Variants in ARHGAP28 observed in about 807,000 individuals in gnomAD.
The protein encoded by ARHGAP28 is rho GTPase-activating protein 28.
A neutral mutation model predicts 90.7 loss-of-function variants in ARHGAP28; 56 were observed. The ratio of observed to expected loss-of-function variants is 0.62; its 90% CI spans 0.50 to 0.77. ARHGAP28 has a LOEUF of 0.77. ARHGAP28 is among the 30% of genes least tolerant of loss of function. The pLI is 0.00. For synonymous variants in ARHGAP28, 308 were observed against 323.3 expected (o/e 0.95, Z 0.51); for missense variants, 869 against 900.9 (o/e 0.96, Z 0.45).
intron 3 of ARHGAP28, among the ~76,000 whole-genome samples, chr18:6,841,197 CTCTCTCCTCTCCTCTCTCTCT>C (rs2056819460): frequency 1.5e-5 from 1 of 65,616 alleles, no homozygotes; most frequent in Non-Finnish European, 2.9e-5. Flanking sequence ...CTCTCTCTCT[CTCTCTCCTCTCCTCTCTCTCT>C]CTCTCCCCCC....
rs573566679 is a variant in ARHGAP28, at chr18:6,867,166, G to T, written c.727-984G>T. ...ATACACCATTTACACAATTATAATT[G>T]TATCAACTGTTTTGAAATAAAATAG... On this transcript the variant is annotated intron_variant, in intron 5 of 17. Coordinates refer to ENST00000383472, the MANE Select transcript of ARHGAP28 (RefSeq NM_001366230.1). Among the ~76,000 whole-genome samples the T allele has an allele frequency of 2.0e-5, 3 of 152,172 alleles. No homozygotes were observed. In the East Asian group the frequency reaches 5.8e-4, roughly 29 times the overall value.
At chr18:6,799,406 C>T (rs1265500714) in intron 1 of ARHGAP28, among the ~76,000 whole-genome samples, 1 of 151,890 alleles carries the variant, frequency 6.6e-6, no homozygotes, top group Non-Finnish European at 1.5e-5. Context: ...CATATGAAAC[C>T]AAAAAAGAGC....
chr18:6,902,781 A>G (rs2143825461), intron 16 of ARHGAP28, among the ~76,000 whole-genome samples: 1 of 152,362 alleles, frequency 6.6e-6, no homozygotes. Flanking sequence ...CATTACAAAT[A>G]GAGTTACCAT....
chr18:6,862,072 T>A (rs959108925), intron 5 of ARHGAP28, among the ~76,000 whole-genome samples: 2 of 152,228 alleles, frequency 1.3e-5, no homozygotes, highest in African/African-American at 2.4e-5. Flanking sequence ...TTACCTTGGA[T>A]TGTTTGTTAC....
chr18:6,832,435 A>AT (rs1264894971), intron 2 of ARHGAP28, among the ~76,000 whole-genome samples: 1 of 152,062 alleles, frequency 6.6e-6, no homozygotes, highest in African/African-American at 2.4e-5. Flanking sequence ...GGTAACTTTA[A>AT]TCACATTTAT....
At chr18:6,754,853 GA>G (rs1359615781) in intron 1 of ARHGAP28, 1 of 152,186 alleles carries the variant, frequency 6.6e-6, no homozygotes, top group Non-Finnish European at 1.5e-5. Context: ...GGGACTAAAA[GA>G]AAGTAAATTG....
At chr18:6,835,809 T>C (rs771953282) in intron 2 of ARHGAP28, among the ~76,000 whole-genome samples, 1 of 152,218 alleles carries the variant, frequency 6.6e-6, no homozygotes, top group Non-Finnish European at 1.5e-5. Flanking sequence ...GAACATCAAT[T>C]GAATACCGAC....
Position 6,882,312 on chromosome 18 carries a change from C to T in ARHGAP28, c.1453+13C>T, listed in dbSNP as rs777346240. 1.6e-5 allele frequency: 25 copies of T among 1,604,934 alleles called. No individual in the cohort carries two copies. The Middle Eastern group carries it at 5.0e-4, about 32-fold the overall frequency. On this transcript the variant is annotated intron_variant, in intron 11 of 17. Transcript: ENST00000383472. Reference sequence around the variant, plus strand: ...AGTCTAATGGAAAGTAGGTGGAAGACGTTATATGTGAATACGCTAAGATAT... The same window carrying T: ...AGTCTAATGGAAAGTAGGTGGAAGATGTTATATGTGAATACGCTAAGATAT...
chr18:6,856,935 A>T lies in ARHGAP28; in HGVS notation c.637-2873A>T, dbSNP rs188562260. On this transcript the variant is annotated intron_variant, in intron 4 of 17. Coordinates refer to ENST00000383472, the MANE Select transcript of ARHGAP28 (RefSeq NM_001366230.1). ...CATCCATTTGTTGTATGTTTTAAAA[A>T]TTTAGTCCATTACTAAATAATATTG... Among the ~76,000 whole-genome samples, 84 of 152,352 alleles carry T rather than the reference A, an allele frequency of 5.5e-4. 1 individual carries two copies. The highest frequency in any genetic ancestry group is 1.9e-3 in the Admixed American group (29 of 15,310).
At position 6,882,446 on chromosome 18, in the gene ARHGAP28, A is replaced by G; in HGVS notation, c.1453+147A>G. 4 of 693,950 alleles carry G rather than the reference A, an allele frequency of 5.8e-6. 1 individual carries two copies. The South Asian group carries it at 1.1e-4, about 19-fold the overall frequency. 43.0% of individuals were successfully genotyped at this position (693,950 alleles called of 1,614,324 possible). ...TGGAATATTAAGTTTGATGGCAAACAGTCACCTACTTACATACTTATATAC... is the reference window on the plus strand; with the variant it reads ...TGGAATATTAAGTTTGATGGCAAACGGTCACCTACTTACATACTTATATAC... On this transcript the variant is annotated intron_variant, in intron 11 of 17. Transcript: ENST00000383472.
intron 1 of ARHGAP28, among the ~76,000 whole-genome samples, chr18:6,778,183 C>A (rs2056299438): frequency 6.6e-6 from 1 of 152,138 alleles, no homozygotes; most frequent in Non-Finnish European, 1.5e-5. Context: ...GCTGTATCAA[C>A]CTTTCTCTAG....
intron 1 of ARHGAP28, among the ~76,000 whole-genome samples, chr18:6,781,459 C>T (rs1442673710): frequency 6.6e-6 from 1 of 152,204 alleles, no homozygotes; most frequent in African/African-American, 2.4e-5. Context: ...GCTTCCTTTT[C>T]TCTCTCAGCT....
chr18:6,750,103 G>C (rs1354873548), intron 1 of ARHGAP28, among the ~76,000 whole-genome samples: 1 of 152,150 alleles, frequency 6.6e-6, no homozygotes, highest in Non-Finnish European at 1.5e-5. Flanking sequence ...CTCTGGGTCT[G>C]TGTGCGTGGT....
chr18:6,806,340 A>G (rs2056519023), intron 1 of ARHGAP28, among the ~76,000 whole-genome samples: 1 of 152,166 alleles, frequency 6.6e-6, no homozygotes, highest in African/African-American at 2.4e-5. Flanking sequence ...ACCTTGAAGT[A>G]AATTGTCTGA....
At chr18:6,797,544 G>T (rs1472573840) in intron 1 of ARHGAP28, among the ~76,000 whole-genome samples, 1 of 152,058 alleles carries the variant, frequency 6.6e-6, no homozygotes, top group Non-Finnish European at 1.5e-5. Context: ...TTCTGTAATA[G>T]CAGAACTTTG....
chr18:6,820,175 G>A (rs969787519), intron 1 of ARHGAP28, among the ~76,000 whole-genome samples: 4 of 152,096 alleles, frequency 2.6e-5, no homozygotes, highest in African/African-American at 9.7e-5. Flanking sequence ...TTAGAGGATA[G>A]ATGGGCAAAA....
At chr18:6,844,176 G>A (rs1287376423) in intron 3 of ARHGAP28, among the ~76,000 whole-genome samples, 1 of 152,138 alleles carries the variant, frequency 6.6e-6, no homozygotes, top group Non-Finnish European at 1.5e-5. Flanking sequence ...ATAGTATGCT[G>A]TAAAAATGAT....
rs1270755304 is a variant in ARHGAP28, at chr18:6,896,869, T to G, written c.2030+243T>G. The G allele has an allele frequency of 1.1e-5, 4 of 366,618 alleles. No individual in the cohort carries two copies. In the Admixed American group the frequency reaches 1.3e-4, roughly 12 times the overall value. The allele number at this position is 366,618 out of a possible 1,614,324, so 22.7% of individuals were successfully genotyped here. On this transcript the variant is annotated intron_variant, in intron 16 of 17. Coordinates refer to ENST00000383472, the MANE Select transcript of ARHGAP28 (RefSeq NM_001366230.1). The stretch of plus-strand genomic sequence containing the variant: ...GATTCTTAATAGGTATTGTCTATCT[T>G]CGTAGCTTCATTTATTCAGTGAGTT...
intron 1 of ARHGAP28, among the ~76,000 whole-genome samples, chr18:6,730,904 G>A (rs74569285): frequency 0.012 from 1,878 of 152,144 alleles, 36 homozygotes; most frequent in African/African-American, 0.043. Context: ...TTAGTTGTGC[G>A]ATAATTACTT....
Sources: gnomAD v4.1 joint callset for allele counts (sites outside exome capture counted in the v4.1 genomes callset) on GRCh38, gnomAD v4.1.1 for gene constraint, MANE v1.5 for transcripts, NCBI Gene and HGNC (gene_info 2026-07-23, HGNC 2026-07-21) for gene names.